RFX3: variants seen among roughly 807,000 people sequenced by gnomAD.
The protein encoded by RFX3 is regulatory factor X3.
Under a neutral mutation model 98.6 loss-of-function variants are expected in RFX3, and 14 were observed. That is an observed-to-expected ratio of 0.14 (90% CI 0.09 to 0.22). RFX3 has a LOEUF of 0.22. Ranked by LOEUF, RFX3 falls within the 10% of genes least tolerant of loss-of-function variation. The probability of loss-of-function intolerance (pLI) is 1.00; values close to 1 mark genes in which losing one functional copy is unlikely to be tolerated. For missense variants in RFX3, 639 were observed against 926.9 expected (o/e 0.69, Z 4.03); for synonymous variants, 383 against 328.4 (o/e 1.17, Z -1.80).
intron 1 of RFX3, among the ~76,000 whole-genome samples, chr9:3,485,561 G>A (rs1014743537): frequency 6.6e-6 from 1 of 152,070 alleles, no homozygotes; most frequent in African/African-American, 2.4e-5. Context: ...CTCTGTATTT[G>A]TTATCAATTA....
chr9:3,519,460 A>G (rs185388051), intron 1 of RFX3, among the ~76,000 whole-genome samples: 1 of 152,358 alleles, frequency 6.6e-6, no homozygotes, highest in Admixed American at 6.5e-5. Context: ...CAAAAAGATT[A>G]GAATAGGTAT....
chr9:3,252,861 T>C (rs1301323071), intron 14 of RFX3, among the ~76,000 whole-genome samples: 1 of 152,262 alleles, frequency 6.6e-6, no homozygotes, highest in Non-Finnish European at 1.5e-5. Context: ...CTGACATGTA[T>C]GTCATGAAAT....
chr9:3,319,866 A>C lies in RFX3; in HGVS notation c.474+10393T>G, dbSNP rs187870145. ...AAGTCAGTGACCGAAAAAAAAAAAAAAACTCAGATTCTCAATACATAAATA... is the reference window on the plus strand; with the variant it reads ...AAGTCAGTGACCGAAAAAAAAAAAACAACTCAGATTCTCAATACATAAATA... On this transcript the variant is annotated intron_variant, in intron 4 of 16. Coordinates refer to ENST00000617270, the MANE Select transcript of RFX3 (RefSeq NM_001282116.2). 6.2e-3 allele frequency among the ~76,000 whole-genome samples: 947 copies of C among 152,258 alleles called. 5 individuals are homozygous for C. The highest frequency in any genetic ancestry group is 0.01 in the Non-Finnish European group (681 of 68,018).
intron 1 of RFX3, among the ~76,000 whole-genome samples, chr9:3,480,672 C>G (rs771439096): frequency 6.6e-6 from 1 of 152,148 alleles, no homozygotes; most frequent in Non-Finnish European, 1.5e-5. Context: ...AGTCAATCTA[C>G]GTTCACCAGG....
chr9:3,486,789 C>A (rs1017148919), intron 1 of RFX3, among the ~76,000 whole-genome samples: 11 of 152,150 alleles, frequency 7.2e-5, no homozygotes, highest in Admixed American at 1.3e-4. Flanking sequence ...TAACTTCTAA[C>A]CCTTATTAAA....
Position 3,220,597 on chromosome 9 carries a change from A to G in RFX3, c.*4445T>C, listed in dbSNP as rs1331163583. 6.6e-6 allele frequency: 1 copy of G among 151,666 alleles called. No homozygotes were observed. Among genetic ancestry groups the G allele is most frequent in the Non-Finnish European group, 1.5e-5 (1 of 67,916 alleles). The allele number at this position is 151,666 out of a possible 1,614,324, so 9.4% of individuals were successfully genotyped here. A position where few individuals can be genotyped will look rare whatever the true frequency, so the allele number is the denominator to read the frequency against. ...TGAAGAAAAATTAAGAGTTGTATAT[A>G]AAATGCAAGTGTTCGGCGTGGAAAC... On this transcript the variant is annotated 3_prime_UTR_variant, in exon 17 of 17. Coordinates refer to ENST00000617270, the MANE Select transcript of RFX3 (RefSeq NM_001282116.2).
intron 1 of RFX3, among the ~76,000 whole-genome samples, chr9:3,445,556 C>T (rs1470842277): frequency 6.6e-6 from 1 of 152,072 alleles, no homozygotes; most frequent in African/African-American, 2.4e-5. Flanking sequence ...AAAATAAGGG[C>T]CATCTGATGA....
intron 12 of RFX3, among the ~76,000 whole-genome samples, chr9:3,265,303 G>C (rs1425408600): frequency 2.0e-5 from 3 of 152,088 alleles, no homozygotes; most frequent in African/African-American, 4.8e-5. Context: ...ATCTAATATG[G>C]GCACATCAAT....
intron 1 of RFX3, among the ~76,000 whole-genome samples, chr9:3,503,945 T>TA (rs1454827147): frequency 1.3e-5 from 2 of 151,632 alleles, no homozygotes; most frequent in Admixed American, 1.3e-4. Context: ...CCTATTATTG[T>TA]AATTTTTACT....
chr9:3,430,538 T>C (rs1302236660), intron 1 of RFX3, among the ~76,000 whole-genome samples: 4 of 152,208 alleles, frequency 2.6e-5, no homozygotes, highest in African/African-American at 9.6e-5. Context: ...AATAAATGTA[T>C]ACTATTGTTA....
chr9:3,232,024 ACT>A (rs973009306), intron 15 of RFX3, among the ~76,000 whole-genome samples: 20 of 148,322 alleles, frequency 1.3e-4, no homozygotes, highest in South Asian at 4.5e-4. Context: ...CAGGAGCGAA[ACT>A]CTGTCTCAAA....
chr9:3,503,580 C>G (rs1208877776), intron 1 of RFX3, among the ~76,000 whole-genome samples: 1 of 152,016 alleles, frequency 6.6e-6, no homozygotes, highest in Non-Finnish European at 1.5e-5. Flanking sequence ...CACTAGTACA[C>G]AGAAAACCCC....
At chr9:3,448,701 G>C (rs1846276289) in intron 1 of RFX3, among the ~76,000 whole-genome samples, 1 of 152,036 alleles carries the variant, frequency 6.6e-6, no homozygotes, top group East Asian at 1.9e-4. Context: ...CAAATTTTTT[G>C]TAAGGAAGGA....
intron 15 of RFX3, among the ~76,000 whole-genome samples, chr9:3,240,153 A>G (rs2130845002): frequency 6.6e-6 from 1 of 152,372 alleles, no homozygotes; most frequent in East Asian, 1.9e-4. Context: ...CAGGGGAGAC[A>G]GAATTTCAAA....
chr9:3,505,837 T>C (rs964162278), intron 1 of RFX3, among the ~76,000 whole-genome samples: 3 of 151,386 alleles, frequency 2.0e-5, no homozygotes, highest in Non-Finnish European at 4.4e-5. Context: ...CCATCTATTA[T>C]AATACATACT....
At chr9:3,391,338 A>T (rs1158788001) in intron 2 of RFX3, among the ~76,000 whole-genome samples, 3 of 152,264 alleles carry the variant, frequency 2.0e-5, no homozygotes, top group East Asian at 3.9e-4. Context: ...AAAAAAAAAG[A>T]AAAATAACGA....
At chr9:3,334,799 G>A (rs1047529668) in intron 3 of RFX3, among the ~76,000 whole-genome samples, 1 of 152,108 alleles carries the variant, frequency 6.6e-6, no homozygotes, top group Non-Finnish European at 1.5e-5. Flanking sequence ...TTCAAACACT[G>A]GGTTGAGTAA....
chr9:3,483,349 T>C (rs1052000035), intron 1 of RFX3, among the ~76,000 whole-genome samples: 1 of 152,174 alleles, frequency 6.6e-6, no homozygotes, highest in African/African-American at 2.4e-5. Flanking sequence ...ATAATAACAA[T>C]AGTGTCCCTG....
intron 1 of RFX3, among the ~76,000 whole-genome samples, chr9:3,414,644 GTA>G (rs1235539526): frequency 2.9e-5 from 4 of 139,770 alleles, no homozygotes; most frequent in East Asian, 2.0e-4. Context: ...ATATATATGA[GTA>G]TATATATGTA....
Sources: allele counts gnomAD v4.1 joint callset (sites outside exome capture counted in the v4.1 genomes callset), GRCh38; gene constraint gnomAD v4.1.1; transcripts MANE v1.5; gene names NCBI Gene and HGNC (gene_info 2026-07-23, HGNC 2026-07-21).